CCL4: variants seen among roughly 807,000 people sequenced by gnomAD.
CCL4 encodes C-C motif chemokine 4.
Under a neutral mutation model 10.3 loss-of-function variants are expected in CCL4, and 8 were observed. The observed-to-expected ratio is 0.77, with a 90% CI of 0.45 to 1.39. CCL4 has a LOEUF of 1.39. Ranked by LOEUF, CCL4 falls within the 40% of genes most tolerant of loss-of-function variation. The probability of loss-of-function intolerance (pLI) is 0.00; values close to 1 mark genes in which losing one functional copy is unlikely to be tolerated. For missense variants in CCL4, 106 were observed against 111.2 expected, an observed-to-expected ratio of 0.95 and a Z score of 0.21; for synonymous variants, 35 against 44.3, an observed-to-expected ratio of 0.79 and a Z score of 0.83.
chr17:36,104,021 T>A, intron 1 of CCL4, 40 bp downstream of exon 1: 1 of 1,612,260 alleles, frequency 6.2e-7, no homozygotes, highest in East Asian at 2.2e-5. Context: ...AGTCAAGGTG[T>A]AGGCAGAGTC....
Position 36,104,203 on chromosome 17 carries a change from G to C in CCL4, c.76+222G>C, listed in dbSNP as rs2067141598. 18 of 725,006 alleles carry C rather than the reference G, an allele frequency of 2.5e-5. No homozygotes were observed. In the South Asian group the frequency reaches 2.6e-4, roughly 11 times the overall value. 44.9% of individuals were successfully genotyped at this position (725,006 alleles called of 1,614,324 possible). On this transcript the variant is annotated intron_variant, in intron 1 of 2. Coordinates refer to ENST00000615863, the MANE Select transcript of CCL4 (RefSeq NM_002984.4). ...ACCAGCAGAGGAAAACGATGGGCTG[G>C]AAGTCAGACTGTTGAATTGGCTCTG... is the stretch of plus-strand genomic sequence containing the variant.
In CCL4 at chr17:36,104,660, G is replaced by C; in HGVS notation, c.191+18G>C. On this transcript the variant is annotated intron_variant, in intron 2 of 2. Transcript: ENST00000615863. ...GCTGTGGTGTGAGTATCAACCCCTG[G>C]GCTGCCCTGGGAGGCAAGGGTGAGG... is the stretch of plus-strand genomic sequence containing the variant. 2 of 1,611,890 alleles carry C rather than the reference G, an allele frequency of 1.2e-6. No individual in the cohort carries two copies. The highest frequency in any genetic ancestry group is 1.7e-6 in the Non-Finnish European group (2 of 1,179,798).
rs367933726 is a variant in CCL4 at position 36,105,344 on chromosome 17, G to A, written c.*32G>A. On this transcript the variant is annotated 3_prime_UTR_variant, in exon 3 of 3. Coordinates refer to ENST00000615863, the MANE Select transcript of CCL4 (RefSeq NM_002984.4). ...CAGAGACAGGAAGTCTTCAGGGAAG[G>A]TCACCTGAGCCCGGATGCTTCTCCA... 1.2e-5 allele frequency: 19 copies of A among 1,604,922 alleles called. No homozygotes were observed. The African/African-American group carries it at 2.3e-4, about 19-fold the overall frequency.
In CCL4 at chr17:36,103,942, C is replaced by T; in HGVS notation, c.37C>T (p.Leu13=). 3.1e-6 allele frequency: 5 copies of T among 1,613,982 alleles called. No homozygotes were observed. Among genetic ancestry groups the T allele is most frequent in the Non-Finnish European group, 4.2e-6 (5 of 1,179,864 alleles). ...CGTGACTGTCCTGTCTCTCCTCATG[C>T]TAGTAGCTGCCTTCTGCTCTCCAGC... is the stretch of plus-strand genomic sequence containing the variant. ...LCVTVLSLLM[L]VAAFCSPALS... Residue 13 remains leucine (L), a synonymous_variant, in exon 1 of 3, where the codon CTA becomes TTA. Transcript: ENST00000615863.
In CCL4 at chr17:36,104,911, A is replaced by G. The variant is rs1394115376; in HGVS notation, c.191+269A>G. 4.3e-6 allele frequency: 3 copies of G among 694,930 alleles called. No homozygotes were observed. The East Asian group carries it at 8.1e-5, about 19-fold the overall frequency. The allele number at this position is 694,930 out of a possible 1,614,324, so 43.0% of individuals were successfully genotyped here. A position where few individuals can be genotyped will look rare whatever the true frequency, so the allele number is the denominator to read the frequency against. On this transcript the variant is annotated intron_variant, in intron 2 of 2. Coordinates refer to ENST00000615863, the MANE Select transcript of CCL4 (RefSeq NM_002984.4). ...GGAAGGCAGACAGGTCCCATGAGAT[A>G]TGGACCGATTCCTTAAACCGTGCTA...
At chr17:36,104,194 G>A (rs566304148) in intron 1 of CCL4, 149 of 738,712 alleles carry the variant, frequency 2.0e-4, no homozygotes, top group South Asian at 4.6e-4. Flanking sequence ...AGAGGAAAAC[G>A]ATGGGCTGGA....
At position 36,103,918 on chromosome 17, in the gene CCL4, G is replaced by A. The variant is rs758412463; in HGVS notation, c.13G>A (p.Val5Met). MKLC[V>M]TVLSLLMLVA... ...TTCCACCAATACCATGAAGCTCTGC[G>A]TGACTGTCCTGTCTCTCCTCATGCT... Residue 5 changes from valine (V) to methionine (M), a missense_variant, in exon 1 of 3, where the codon GTG becomes ATG. Transcript: ENST00000615863. The A allele has an allele frequency of 3.7e-5, 60 of 1,613,822 alleles. No homozygotes were observed. Among genetic ancestry groups the A allele is most frequent in the South Asian group, 7.7e-5 (7 of 91,076 alleles).
rs528656426 is a variant in CCL4, at chr17:36,104,585, G to C, written c.134G>C (p.Arg45Pro). 1 of 1,613,326 alleles carries C rather than the reference G, an allele frequency of 6.2e-7. No individual in the cohort carries two copies. The highest frequency in any genetic ancestry group is 1.7e-5 in the Admixed American group (1 of 60,010). The change falls in exon 2 of 3, where the codon CGC (arginine) becomes CCC (proline). Residue 45 changes from arginine to proline, a missense_variant. Transcript: ENST00000615863. ...TCTTACACCGCGAGGAAGCTTCCTC[G>C]CAACTTTGTGGTAGATTACTATGAG... is the stretch of plus-strand genomic sequence containing the variant. ...CFSYTARKLP[R>P]NFVVDYYETS...
At position 36,104,612 on chromosome 17, in the gene CCL4, C is replaced by T. The variant is rs750097760; in HGVS notation, c.161C>T (p.Thr54Ile). 1 of 1,613,732 alleles carries T rather than the reference C, an allele frequency of 6.2e-7. No individual in the cohort carries two copies. The highest frequency in any genetic ancestry group is 1.7e-5 in the Admixed American group (1 of 60,018). ...PRNFVVDYYE[T>I]SSLCSQPAVV... ...AACTTTGTGGTAGATTACTATGAGA[C>T]CAGCAGCCTCTGCTCCCAGCCAGCT... is the stretch of plus-strand genomic sequence containing the variant. The change falls in exon 2 of 3, where the codon ACC becomes ATC. Residue 54 changes from threonine to isoleucine, a missense_variant. Thr to Ile is a moderately conservative substitution (Grantham distance 89). Coordinates refer to ENST00000615863, the MANE Select transcript of CCL4 (RefSeq NM_002984.4).
chr17:36,104,766 C>T (rs2067147014), intron 2 of CCL4, 124 bp downstream of exon 2: 1 of 1,238,396 alleles, frequency 8.1e-7, no homozygotes, highest in Non-Finnish European at 1.2e-6. Flanking sequence ...GAAGCCTTCC[C>T]TGAGAGCAGT....
rs371906184 is a variant in CCL4 at position 36,104,509 on chromosome 17, C to A, written c.77-19C>A. On this transcript the variant is annotated intron_variant, in intron 1 of 2. Coordinates refer to ENST00000615863, the MANE Select transcript of CCL4 (RefSeq NM_002984.4). ...GCTCCCACGGGCAGTGTTGATCTCACCCTGGCCTTTCCTTTCAGTGGGCTC... is the reference window on the plus strand; with the variant it reads ...GCTCCCACGGGCAGTGTTGATCTCAACCTGGCCTTTCCTTTCAGTGGGCTC... 1.0e-5 allele frequency: 16 copies of A among 1,607,150 alleles called. No homozygotes were observed. Among genetic ancestry groups the A allele is most frequent in the Non-Finnish European group, 1.3e-5 (15 of 1,177,258 alleles).
Position 36,105,351 on chromosome 17 carries a change from G to A in CCL4, c.*39G>A, listed in dbSNP as rs1319445222. 2 of 1,596,238 alleles carry A rather than the reference G, an allele frequency of 1.3e-6. No individual in the cohort carries two copies. Among genetic ancestry groups the A allele is most frequent in the Non-Finnish European group, 1.7e-6 (2 of 1,163,704 alleles). On this transcript the variant is annotated 3_prime_UTR_variant, in exon 3 of 3. Transcript: ENST00000615863. ...AGGAAGTCTTCAGGGAAGGTCACCT[G>A]AGCCCGGATGCTTCTCCATGAGACA... is the stretch of plus-strand genomic sequence containing the variant.
In CCL4 at chr17:36,104,582, C is replaced by T; in HGVS notation, c.131C>T (p.Pro44Leu). 2 of 1,613,316 alleles carry T rather than the reference C, an allele frequency of 1.2e-6. No individual in the cohort carries two copies. Among genetic ancestry groups the T allele is most frequent in the South Asian group, 1.1e-5 (1 of 91,038 alleles). ...CCFSYTARKL[P>L]RNFVVDYYET... ...TTTTCTTACACCGCGAGGAAGCTTCCTCGCAACTTTGTGGTAGATTACTAT... is the reference window on the plus strand; with the variant it reads ...TTTTCTTACACCGCGAGGAAGCTTCTTCGCAACTTTGTGGTAGATTACTAT... The change falls in exon 2 of 3, where the codon CCT becomes CTT. Residue 44 changes from proline to leucine, a missense_variant. Pro to Leu is a moderately conservative substitution (Grantham distance 98). Transcript: ENST00000615863.
intron 1 of CCL4, chr17:36,104,265 T>C (rs2067141941): frequency 5.7e-6 from 4 of 703,622 alleles, no homozygotes; most frequent in Admixed American, 2.0e-5. Context: ...CCTGTCCCTC[T>C]CTGTGCCTTG....
intron 2 of CCL4, 112 bp downstream of exon 2, chr17:36,104,754 C>A (rs2067146821): frequency 6.7e-6 from 9 of 1,349,700 alleles, no homozygotes; most frequent in Admixed American, 1.9e-5. Flanking sequence ...GCTCCCAGGG[C>A]TGAAGCCTTC....
rs1318645339 is a variant in CCL4, at chr17:36,105,545, C to T, written c.*233C>T. 8.3e-6 allele frequency: 5 copies of T among 600,902 alleles called. No individual in the cohort carries two copies. Among genetic ancestry groups the T allele is most frequent in the Non-Finnish European group, 1.5e-5 (5 of 332,082 alleles). The allele number at this position is 600,902 out of a possible 1,614,324, so 37.2% of individuals were successfully genotyped here. On this transcript the variant is annotated 3_prime_UTR_variant, in exon 3 of 3. Transcript: ENST00000615863. ...ATGGTCCACTGTCACTGTTTCTCTG[C>T]TGTTGCAAATACATGGATAACACAT...
At position 36,104,555 on chromosome 17, in the gene CCL4, G is replaced by C; in HGVS notation, c.104G>C (p.Cys35Ser). Residue 35 changes from cysteine (C) to serine (S), a missense_variant, in exon 2 of 3, where the codon TGC becomes TCC. By Grantham distance (112) the Cys-to-Ser change is moderately radical. Coordinates refer to ENST00000615863, the MANE Select transcript of CCL4 (RefSeq NM_002984.4). The stretch of plus-strand genomic sequence containing the variant: ...GGCTCAGACCCTCCCACCGCCTGCT[G>C]CTTTTCTTACACCGCGAGGAAGCTT... ...PMGSDPPTAC[C>S]FSYTARKLPR... 6.2e-7 allele frequency: 1 copy of C among 1,612,414 alleles called. No individual in the cohort carries two copies. The highest frequency in any genetic ancestry group is 8.5e-7 in the Non-Finnish European group (1 of 1,179,834).
At chr17:36,104,790 A>T in intron 2 of CCL4, 148 bp downstream of exon 2, 1 of 1,021,986 alleles carries the variant, frequency 9.8e-7, no homozygotes, top group Non-Finnish European at 1.5e-6. Context: ...GACACAGGTC[A>T]TGAACTCACT....
rs559251821 is a variant in CCL4, at chr17:36,105,475, A to G, written c.*163A>G. 34 of 746,206 alleles carry G rather than the reference A, an allele frequency of 4.6e-5. No individual in the cohort carries two copies. The highest frequency in any genetic ancestry group is 3.7e-4 in the Middle Eastern group (1 of 2,696). 46.2% of individuals were successfully genotyped at this position (746,206 alleles called of 1,614,324 possible). A position where few individuals can be genotyped will look rare whatever the true frequency, so the allele number is the denominator to read the frequency against. The stretch of plus-strand genomic sequence containing the variant: ...TGTTATTGTATTAGGTGTCATTTCC[A>G]TTATTTATATTAGTTTAGCCAAAGG... On this transcript the variant is annotated 3_prime_UTR_variant, in exon 3 of 3. Transcript: ENST00000615863.
Sources: gnomAD v4.1 joint callset for allele counts on GRCh38, gnomAD v4.1.1 for gene constraint, MANE v1.5 for transcripts, NCBI Gene and HGNC (gene_info 2026-07-23, HGNC 2026-07-21) for gene names.